TOX: variants seen among roughly 807,000 people sequenced by gnomAD.
TOX encodes thymocyte selection associated high mobility group box.
TOX carries 11 observed loss-of-function variants against 53.7 expected under a neutral mutation model. The ratio of observed to expected loss-of-function variants is 0.20; its 90% CI spans 0.13 to 0.34. The LOEUF (loss-of-function observed/expected upper bound fraction) is 0.34. TOX is among the 10% of genes least tolerant of loss of function. TOX has a pLI of 1.00. For synonymous variants in TOX, 225 were observed against 245.3 expected, an observed-to-expected ratio of 0.92 and a Z score of 0.77; for missense variants, 570 against 664.6, an observed-to-expected ratio of 0.86 and a Z score of 1.56.
intron 3 of TOX, among the ~76,000 whole-genome samples, chr8:58,918,966 G>A (rs1812026184): frequency 6.6e-6 from 1 of 151,104 alleles, no homozygotes; most frequent in African/African-American, 2.4e-5. Flanking sequence ...TTGCTTCAAA[G>A]AGAATAAAAT....
intron 1 of TOX, among the ~76,000 whole-genome samples, chr8:58,967,324 T>C (rs1019202388): frequency 6.6e-6 from 1 of 152,208 alleles, no homozygotes; most frequent in African/African-American, 2.4e-5. Flanking sequence ...ATTTTTGTAA[T>C]AATCCTGTAA....
chr8:58,831,292 G>A (rs1227766535), intron 5 of TOX, among the ~76,000 whole-genome samples: 2 of 152,122 alleles, frequency 1.3e-5, no homozygotes, highest in African/African-American at 2.4e-5. Context: ...GTATGATGCT[G>A]TTCAGTTATG....
intron 1 of TOX, among the ~76,000 whole-genome samples, chr8:59,021,428 G>A (rs1256595359): frequency 2.5e-5 from 3 of 119,058 alleles, no homozygotes; most frequent in Non-Finnish European, 5.0e-5. Flanking sequence ...AAGGTCACTT[G>A]TTAAATTTTG....
chr8:58,950,531 T>C (rs1812604111), intron 2 of TOX, among the ~76,000 whole-genome samples: 2 of 152,134 alleles, frequency 1.3e-5, no homozygotes, highest in African/African-American at 4.8e-5. Flanking sequence ...ATACTGGAGG[T>C]CATCTCACTT....
At chr8:59,061,770 C>T (rs1265222593) in intron 1 of TOX, among the ~76,000 whole-genome samples, 2 of 151,860 alleles carry the variant, frequency 1.3e-5, no homozygotes, top group African/African-American at 4.8e-5. Flanking sequence ...ATGACAGCCT[C>T]TTGGAGATCA....
intron 3 of TOX, among the ~76,000 whole-genome samples, chr8:58,860,814 T>C (rs1810998461): frequency 1.3e-5 from 2 of 152,212 alleles, no homozygotes; most frequent in Non-Finnish European, 2.9e-5. Flanking sequence ...ATAGGCTAAC[T>C]GGTAGATACA....
At chr8:59,042,669 AGTC>A (rs1803612974) in intron 1 of TOX, among the ~76,000 whole-genome samples, 1 of 152,208 alleles carries the variant, frequency 6.6e-6, no homozygotes, top group Non-Finnish European at 1.5e-5. Context: ...TTATTTGTAA[AGTC>A]ATCATATAGC....
chr8:59,035,627 AT>A (rs376078585), intron 1 of TOX, among the ~76,000 whole-genome samples: 16 of 152,194 alleles, frequency 1.1e-4, no homozygotes, highest in Admixed American at 2.6e-4. Context: ...TAACCACTCA[AT>A]TTTTTTTATC....
chr8:59,088,142 A>T (rs1804546646), intron 1 of TOX, among the ~76,000 whole-genome samples: 1 of 152,246 alleles, frequency 6.6e-6, no homozygotes, highest in Admixed American at 6.5e-5. Flanking sequence ...ACTTCTCAGA[A>T]GGTCACAAAG....
At chr8:58,811,445 G>A (rs1026485234) in intron 7 of TOX, among the ~76,000 whole-genome samples, 1 of 151,916 alleles carries the variant, frequency 6.6e-6, no homozygotes, top group Non-Finnish European at 1.5e-5. Context: ...TCGCAGTTTT[G>A]TTGTGCCACC....
intron 1 of TOX, among the ~76,000 whole-genome samples, chr8:58,986,405 G>A (rs1222041135): frequency 1.3e-5 from 2 of 152,220 alleles, no homozygotes; most frequent in Non-Finnish European, 2.9e-5. Flanking sequence ...TAAGATTACA[G>A]CCTGGTACTG....
intron 1 of TOX, among the ~76,000 whole-genome samples, chr8:59,087,329 A>C (rs1804529980): frequency 6.6e-6 from 1 of 152,234 alleles, no homozygotes; most frequent in African/African-American, 2.4e-5. Context: ...GGTTAAAAAA[A>C]AATCAGACAA....
intron 1 of TOX, among the ~76,000 whole-genome samples, chr8:59,060,334 T>C (rs1233919222): frequency 6.6e-6 from 1 of 152,184 alleles, no homozygotes; most frequent in Non-Finnish European, 1.5e-5. Context: ...GTGCTGGCTA[T>C]TAATATTTTA....
intron 1 of TOX, among the ~76,000 whole-genome samples, chr8:59,047,634 C>T (rs1052495384): frequency 2.0e-5 from 3 of 151,636 alleles, no homozygotes; most frequent in Non-Finnish European, 2.9e-5. Flanking sequence ...TATTCACAGG[C>T]GCCATCATAG....
chr8:58,869,666 C>T (rs915891198), intron 3 of TOX, among the ~76,000 whole-genome samples: 33 of 152,096 alleles, frequency 2.2e-4, no homozygotes, highest in South Asian at 1.2e-3. Context: ...TAAAACTGCA[C>T]CACAACCAGG....
At chr8:58,937,478 T>C (rs921684688) in intron 3 of TOX, among the ~76,000 whole-genome samples, 16 of 152,254 alleles carry the variant, frequency 1.1e-4, no homozygotes, top group African/African-American at 3.6e-4. Flanking sequence ...CTGAGTCCAG[T>C]CCCAAATGTG....
intron 3 of TOX, among the ~76,000 whole-genome samples, chr8:58,871,147 A>C (rs1316363427): frequency 1.3e-5 from 2 of 149,882 alleles, no homozygotes; most frequent in Non-Finnish European, 3.0e-5. Flanking sequence ...TTTAAAATGC[A>C]TACTGCTGAT....
chr8:58,835,183 A>G (rs1810525477), intron 5 of TOX, among the ~76,000 whole-genome samples: 1 of 152,192 alleles, frequency 6.6e-6, no homozygotes, highest in Non-Finnish European at 1.5e-5. Flanking sequence ...TGCTCCCCCA[A>G]ACCCTATTTT....
At chr8:59,010,145 C>T (rs1813874861) in intron 1 of TOX, among the ~76,000 whole-genome samples, 1 of 152,120 alleles carries the variant, frequency 6.6e-6, no homozygotes, top group Non-Finnish European at 1.5e-5. Context: ...TCTTCCACAA[C>T]CAGATGTTAA....
Sources: allele counts gnomAD v4.1 joint callset (sites outside exome capture counted in the v4.1 genomes callset), GRCh38; gene constraint gnomAD v4.1.1; transcripts MANE v1.5; gene names NCBI Gene and HGNC (gene_info 2026-07-23, HGNC 2026-07-21).